NOTCH1: variants seen among roughly 807,000 people sequenced by gnomAD.
NOTCH1 encodes the protein notch receptor 1, also known as neurogenic locus notch homolog protein 1.
A neutral mutation model predicts 254.8 loss-of-function variants in NOTCH1; 37 were observed. The observed-to-expected ratio is 0.15, with a 90% CI of 0.11 to 0.19. The LOEUF is 0.19. NOTCH1 is among the 10% of genes least tolerant of loss of function. NOTCH1 has a pLI of 1.00. For synonymous variants in NOTCH1, 1,731 were observed against 1,618.1 expected (o/e 1.07, Z -1.68); for missense variants, 2,972 against 3,708.6 (o/e 0.80, Z 5.16).
In NOTCH1 at chr9:136,506,837, C is replaced by G. The variant is rs201354526; in HGVS notation, c.3780G>C (p.Val1260=). ...TGACATCCCCCTCACAGCGCTCACC[C>G]ACGAAGCCCGGCGGGCAGGTGCAGC... is the stretch of plus-strand genomic sequence containing the variant. The part of the protein sequence containing the change: ...GYSCTCPPGF[V]GERCEGDVNE... The change falls in exon 23 of 34, where the codon GTG becomes GTC. Residue 1260 remains valine, a synonymous_variant. Coordinates refer to ENST00000651671, the MANE Select transcript of NOTCH1 (RefSeq NM_017617.5). The surrounding 1 kb of genome is among the most constrained non-coding windows in gnomAD (Gnocchi z 4.5). 2,128 of 1,612,234 alleles carry G rather than the reference C, an allele frequency of 1.3e-3. 24 individuals are homozygous for G. The African/African-American group carries it at 0.024, about 18-fold the overall frequency.
chr9:136,541,029 G>T (rs1414850125), intron 2 of NOTCH1, among the ~76,000 whole-genome samples: 4 of 152,148 alleles, frequency 2.6e-5, no homozygotes, highest in African/African-American at 9.7e-5. Flanking sequence ...TCACACTGAC[G>T]GAGCTGATGA....
rs2133321780 is a variant in NOTCH1, at chr9:136,498,962, G to A, written c.6117C>T (p.Asn2039=). ...KSALHWAAAV[N]NVDAAVVLLK... ...GGAGCACAACTGCGGCATCCACATT[G>A]TTCACGGCGGCGGCCCAGTGCAGGG... The change falls in exon 33 of 34, where the codon AAC becomes AAT. Residue 2039 remains asparagine, a synonymous_variant. Coordinates refer to ENST00000651671, the MANE Select transcript of NOTCH1 (RefSeq NM_017617.5). The A allele has an allele frequency of 6.2e-7, 1 of 1,613,642 alleles. No homozygotes were observed. Among genetic ancestry groups the A allele is most frequent in the Middle Eastern group, 1.6e-4 (1 of 6,062 alleles).
intron 4 of NOTCH1, among the ~76,000 whole-genome samples, chr9:136,520,689 G>A (rs1490232084): frequency 6.6e-6 from 1 of 151,832 alleles, no homozygotes; most frequent in Admixed American, 6.6e-5. Context: ...AGTGAGCTGA[G>A]GGCACGTCAC....
At chr9:136,529,867 C>T (rs1356249513) in intron 2 of NOTCH1, among the ~76,000 whole-genome samples, 1 of 152,258 alleles carries the variant, frequency 6.6e-6, no homozygotes, top group Non-Finnish European at 1.5e-5. Context: ...CGTTGGAGCA[C>T]AAAACCACGA....
At chr9:136,535,991 G>GGA (rs1385932441) in intron 2 of NOTCH1, among the ~76,000 whole-genome samples, 1,714 of 131,006 alleles carry the variant, frequency 0.013, 46 homozygotes, top group African/African-American at 0.042. Flanking sequence ...CATGGTGGGT[G>GGA]GGGGGGAGCA....
At chr9:136,536,345 G>C (rs1210472422) in intron 2 of NOTCH1, among the ~76,000 whole-genome samples, 1 of 152,164 alleles carries the variant, frequency 6.6e-6, no homozygotes, top group African/African-American at 2.4e-5. Context: ...CAGAGTGAGG[G>C]GCCAGGTTCC....
In NOTCH1 at chr9:136,508,906, G is replaced by A. The variant is rs2133348677; in HGVS notation, c.3135C>T (p.Cys1045=). Residue 1045 remains cysteine, a synonymous_variant, in exon 19 of 34, where the codon TGC becomes TGT. Transcript: ENST00000651671. ...GGCCAGTGTAGCCCTGGGGGCAGGT[G>A]CACCTGTAGGAGCCGCAGCCGTCCT... ...TCQDGCGSYR[C]TCPQGYTGPN... 2 of 1,548,532 alleles carry A rather than the reference G, an allele frequency of 1.3e-6. No homozygotes were observed. Among genetic ancestry groups the A allele is most frequent in the Non-Finnish European group, 1.7e-6 (2 of 1,146,892 alleles).
chr9:136,510,569 C>A (rs1399010026), intron 17 of NOTCH1, 84 bp downstream of exon 17: 3 of 1,514,376 alleles, frequency 2.0e-6, no homozygotes, highest in Non-Finnish European at 2.7e-6. Flanking sequence ...GTGCTTATGG[C>A]CAGCACCATG....
intron 2 of NOTCH1, among the ~76,000 whole-genome samples, chr9:136,529,863 A>G (rs3124610): frequency 0.99 from 150,461 of 152,384 alleles, 74,292 homozygotes; most frequent in East Asian, 1. Flanking sequence ...TCACCGTTGG[A>G]GCACAAAACC....
intron 2 of NOTCH1, 194 bp downstream of exon 2, chr9:136,543,830 G>A: frequency 1.5e-6 from 1 of 675,184 alleles, no homozygotes; most frequent in South Asian, 1.7e-5. Flanking sequence ...AGCCAGACCA[G>A]CTCCACACGC....
At position 136,505,548 on chromosome 9, in the gene NOTCH1, C is replaced by G. The variant is rs147841035; in HGVS notation, c.4348G>C (p.Glu1450Gln). 1 of 1,611,468 alleles carries G rather than the reference C, an allele frequency of 6.2e-7. No homozygotes were observed. Residue 1450 changes from glutamate to glutamine, a missense_variant, in exon 25 of 34, where the codon GAG (glutamate) becomes CAG (glutamine). Physicochemically the swap from Glu to Gln is conservative, Grantham distance 29 (BLOSUM62 2). Transcript: ENST00000651671. ...GCGTCCTCCTGGCACTCGGGCAGCT[C>G]GCACGCCTCCTCGATCAGCGGCGGG... The part of the protein sequence containing the change: ...IPPPLIEEAC[E>Q]LPECQEDAGN...
Position 136,523,662 on chromosome 9 carries a change from C to T in NOTCH1, c.403+55G>A, listed in dbSNP as rs1031086747. ...CGCCAAGTACCTCAAGTTGCCTGGGCAGCTGGCGGCGGGCCTGGGTCTGCC... is the reference window on the plus strand; with the variant it reads ...CGCCAAGTACCTCAAGTTGCCTGGGTAGCTGGCGGCGGGCCTGGGTCTGCC... On this transcript the variant is annotated intron_variant, in intron 3 of 33. Transcript: ENST00000651671. 5 of 1,555,794 alleles carry T rather than the reference C, an allele frequency of 3.2e-6. No individual in the cohort carries two copies. The Admixed American group carries it at 7.6e-5, about 24-fold the overall frequency.
intron 9 of NOTCH1, among the ~76,000 whole-genome samples, chr9:136,516,709 G>A (rs1843278504): frequency 6.6e-6 from 1 of 152,100 alleles, no homozygotes; most frequent in Non-Finnish European, 1.5e-5. Flanking sequence ...TGCAGCTCCT[G>A]GTATACCCTT....
In NOTCH1 at chr9:136,508,904, G is replaced by A; in HGVS notation, c.3137C>T (p.Thr1046Ile). The change falls in exon 19 of 34, where the codon ACC becomes ATC. Residue 1046 changes from threonine (T) to isoleucine (I), a missense_variant. Thr to Ile is a moderately conservative substitution (Grantham distance 89, BLOSUM62 -1). Transcript: ENST00000651671. ...CQDGCGSYRC[T>I]CPQGYTGPNC... The stretch of plus-strand genomic sequence containing the variant: ...GGGGCCAGTGTAGCCCTGGGGGCAG[G>A]TGCACCTGTAGGAGCCGCAGCCGTC... 2 of 1,548,436 alleles carry A rather than the reference G, an allele frequency of 1.3e-6. No individual in the cohort carries two copies. The highest frequency in any genetic ancestry group is 2.4e-5 in the East Asian group (1 of 40,940).
Position 136,497,298 on chromosome 9 carries a change from G to A in NOTCH1, c.6441C>T (p.Gly2147=). ...TGCCCTGCACGCCGGGCTTGAGGCTGCCCAGGTAGCCGTTGGGCGAGCAGA... is the reference window on the plus strand; with the variant it reads ...TGCCCTGCACGCCGGGCTTGAGGCTACCCAGGTAGCCGTTGGGCGAGCAGA... ...PPLCSPNGYL[G]SLKPGVQGKK... is the part of the protein sequence containing the mutation. The change falls in exon 34 of 34, where the codon GGC becomes GGT. Residue 2147 remains glycine (G), a synonymous_variant. Transcript: ENST00000651671. 6.2e-7 allele frequency: 1 copy of A among 1,608,062 alleles called. No homozygotes were observed.
chr9:136,535,492 G>A (rs1843633012), intron 2 of NOTCH1, among the ~76,000 whole-genome samples: 1 of 113,482 alleles, frequency 8.8e-6, no homozygotes, highest in South Asian at 3.5e-4. Flanking sequence ...CCTCCCAGGG[G>A]CAATGGGTGC....
In NOTCH1 at chr9:136,513,033, G is replaced by A; in HGVS notation, c.2455C>T (p.Leu819=). 5 of 1,399,200 alleles carry A rather than the reference G, an allele frequency of 3.6e-6. No homozygotes were observed. The highest frequency in any genetic ancestry group is 4.8e-6 in the Non-Finnish European group (5 of 1,033,038). 86.7% of individuals were successfully genotyped at this position (1,399,200 alleles called of 1,614,324 possible). A position where few individuals can be genotyped will look rare whatever the true frequency, so the allele number is the denominator to read the frequency against. Reference sequence around the variant, plus strand: ...ACCCACCCCTCACCTGTGTAGGGCAGCAGGCAGTTGCACTTGTACCCGGCA... The same window carrying A: ...ACCCACCCCTCACCTGTGTAGGGCAACAGGCAGTTGCACTTGTACCCGGCA... The part of the protein sequence containing the change: ...DVAGYKCNCL[L]PYTGATCEVV... The change falls in exon 15 of 34, where the codon CTG becomes TTG. Residue 819 remains leucine (L), a synonymous_variant. Coordinates refer to ENST00000651671, the MANE Select transcript of NOTCH1 (RefSeq NM_017617.5). This position sits in a 1 kb window ranked among gnomAD's most constrained non-coding sequence, Gnocchi z 4.7.
intron 28 of NOTCH1, 65 bp from the exon 29 acceptor site, chr9:136,502,153 G>T: frequency 6.2e-7 from 1 of 1,603,106 alleles, no homozygotes; most frequent in Non-Finnish European, 8.5e-7. Flanking sequence ...AGAGACCCCT[G>T]GCCCGGGCCT....
intron 2 of NOTCH1, among the ~76,000 whole-genome samples, chr9:136,535,091 CCACAG>C (rs1454228441): frequency 6.6e-6 from 1 of 150,694 alleles, no homozygotes; most frequent in East Asian, 2.0e-4. Context: ...ATTGCAGGAA[CCACAG>C]CAGGGCAGCC....
Sources: allele counts gnomAD v4.1 joint callset (sites outside exome capture counted in the v4.1 genomes callset), GRCh38; gene constraint gnomAD v4.1.1; non-coding constraint Gnocchi (gnomAD v3.1); transcripts MANE v1.5; gene names NCBI Gene and HGNC (gene_info 2026-07-23, HGNC 2026-07-21).